CLUAP1: variants seen among roughly 807,000 people sequenced by gnomAD.
CLUAP1 encodes the protein clusterin-associated protein 1.
In CLUAP1, 50 loss-of-function variants were observed where a neutral mutation model predicts 55.0. That is an observed-to-expected ratio of 0.91 (90% CI 0.72 to 1.15). The LOEUF is 1.15. Ranked by LOEUF, CLUAP1 falls within the 50% of genes most tolerant of loss-of-function variation. The probability of loss-of-function intolerance (pLI) is 0.00; values close to 1 mark genes in which losing one functional copy is unlikely to be tolerated. For missense variants in CLUAP1, 530 were observed against 507.6 expected (o/e 1.04, Z -0.42); for synonymous variants, 195 against 175.4 (o/e 1.11, Z -0.88).
At chr16:3,531,393 G>A (rs2038115122) in intron 10 of CLUAP1, among the ~76,000 whole-genome samples, 1 of 152,062 alleles carries the variant, frequency 6.6e-6, no homozygotes, top group Admixed American at 6.5e-5. Flanking sequence ...GCAATGGCGG[G>A]CGCCCATAGT....
upstream of CLUAP1, among the ~76,000 whole-genome samples, chr16:3,500,772 A>G (rs1334091673): frequency 6.6e-6 from 1 of 152,254 alleles, no homozygotes; most frequent in Non-Finnish European, 1.5e-5. Context: ...CCTGTCACCC[A>G]GCGCGAAACG....
At chr16:3,531,866 C>G (rs956804860) in intron 10 of CLUAP1, among the ~76,000 whole-genome samples, 2 of 148,908 alleles carry the variant, frequency 1.3e-5, no homozygotes, top group Non-Finnish European at 3.0e-5. Context: ...CTTTTTGAGA[C>G]AAAGTCTCGC....
At chr16:3,531,191 A>T (rs1393207276) in intron 10 of CLUAP1, among the ~76,000 whole-genome samples, 1 of 151,990 alleles carries the variant, frequency 6.6e-6, no homozygotes, top group Non-Finnish European at 1.5e-5. Context: ...GTGAATATCC[A>T]CTGCATTCCG....
upstream of CLUAP1, among the ~76,000 whole-genome samples, chr16:3,500,264 C>T (rs1269848523): frequency 6.6e-6 from 1 of 152,196 alleles, no homozygotes; most frequent in African/African-American, 2.4e-5. Context: ...TGGCCTGCCT[C>T]TGGGCGCCCA....
At chr16:3,521,476 C>T (rs111729840) in intron 7 of CLUAP1, among the ~76,000 whole-genome samples, 295 of 150,596 alleles carry the variant, frequency 2.0e-3, no homozygotes, top group African/African-American at 6.8e-3. Flanking sequence ...CTCTTGTTGC[C>T]GAGGCTGGAG....
chr16:3,511,952 C>T (rs1383191374), intron 4 of CLUAP1, among the ~76,000 whole-genome samples: 1 of 151,294 alleles, frequency 6.6e-6, no homozygotes, highest in Non-Finnish European at 1.5e-5. Context: ...TTTGGGAGGC[C>T]GAGGTGGGTG....
chr16:3,505,748 C>A (rs147077443), intron 2 of CLUAP1, among the ~76,000 whole-genome samples: 4 of 152,236 alleles, frequency 2.6e-5, no homozygotes. Context: ...ATGGAGATTT[C>A]TTTTTCTGTG....
At chr16:3,507,085 A>T (rs2037521269) in intron 3 of CLUAP1, among the ~76,000 whole-genome samples, 1 of 151,392 alleles carries the variant, frequency 6.6e-6, no homozygotes, top group Non-Finnish European at 1.5e-5. Flanking sequence ...AGTCCCAGCT[A>T]CTCGGGAGGC....
Position 3,501,009 on chromosome 16 carries a change from G to T in CLUAP1, c.-59G>T. 1 of 1,558,638 alleles carries T rather than the reference G, an allele frequency of 6.4e-7. No individual in the cohort carries two copies. Among genetic ancestry groups the T allele is most frequent in the Non-Finnish European group, 8.7e-7 (1 of 1,147,742 alleles). ...TGCCATAGAGATCGTCGAGCGCTGG[G>T]CCTGTGATCGCTGAGGGGCGAGCAG... On this transcript the variant is annotated 5_prime_UTR_variant, in exon 1 of 12. Transcript: ENST00000576634.
chr16:3,508,332 A>T lies in CLUAP1; in HGVS notation c.263A>T (p.Gln88Leu). ...AAACTCAACACTAAGAAGCTTTATC[A>T]AGCAGATGGGTATGCGGTAAAAGAG... ...HIKLNTKKLY[Q>L]ADGYAVKELL... is the part of the protein sequence containing the mutation. Residue 88 changes from glutamine to leucine, a missense_variant, in exon 4 of 12, where the codon CAA becomes CTA. Transcript: ENST00000576634. 1 of 1,607,304 alleles carries T rather than the reference A, an allele frequency of 6.2e-7. No individual in the cohort carries two copies. The highest frequency in any genetic ancestry group is 8.5e-7 in the Non-Finnish European group (1 of 1,178,276).
At chr16:3,522,288 C>G (rs546049426) in intron 7 of CLUAP1, among the ~76,000 whole-genome samples, 67 of 151,724 alleles carry the variant, frequency 4.4e-4, no homozygotes, top group African/African-American at 1.5e-3. Flanking sequence ...CTCAGCCACC[C>G]GAGTAGCTGG....
chr16:3,521,253 G>A (rs2037826968), intron 7 of CLUAP1, among the ~76,000 whole-genome samples: 2 of 151,006 alleles, frequency 1.3e-5, no homozygotes, highest in East Asian at 1.9e-4. Context: ...ATTCATTTTT[G>A]TTAAGCTCCA....
At chr16:3,531,479 G>A (rs113634304) in intron 10 of CLUAP1, among the ~76,000 whole-genome samples, 324 of 151,700 alleles carry the variant, frequency 2.1e-3, no homozygotes, top group African/African-American at 6.9e-3. Context: ...CCGAGATCAC[G>A]CCACTGCACT....
At chr16:3,498,967 C>T (rs13334336), upstream of CLUAP1, among the ~76,000 whole-genome samples, 4,099 of 152,228 alleles carry the variant, frequency 0.027, 70 homozygotes, top group African/African-American at 0.048. Flanking sequence ...ATAAGGGTCT[C>T]ATAGGCAGAA....
rs1238445274 is a variant in CLUAP1, at chr16:3,512,826, G to A, written c.495+348G>A. 5.3e-5 allele frequency among the ~76,000 whole-genome samples: 8 copies of A among 152,194 alleles called. No individual in the cohort carries two copies. The East Asian group carries it at 1.5e-3, about 29-fold the overall frequency. ...CTCCCAAGTAGCTGGGACTACAGGTGCCTGCCACCACACCCGGCTAATTTT... is the reference window on the plus strand; with the variant it reads ...CTCCCAAGTAGCTGGGACTACAGGTACCTGCCACCACACCCGGCTAATTTT... On this transcript the variant is annotated intron_variant, in intron 5 of 11. Coordinates refer to ENST00000576634, the MANE Select transcript of CLUAP1 (RefSeq NM_015041.3).
chr16:3,496,632 G>A, upstream of CLUAP1: 1 of 532,456 alleles, frequency 1.9e-6, no homozygotes. Context: ...TCCGGTCTTC[G>A]CAAGGGCCGA....
intron 2 of CLUAP1, among the ~76,000 whole-genome samples, chr16:3,505,815 G>T: frequency 6.6e-6 from 1 of 152,240 alleles, no homozygotes; most frequent in Non-Finnish European, 1.5e-5. Flanking sequence ...TTAAGGACCA[G>T]ATAATATTTT....
intron 10 of CLUAP1, among the ~76,000 whole-genome samples, chr16:3,531,414 C>T (rs924151741): frequency 2.0e-5 from 3 of 151,890 alleles, no homozygotes; most frequent in African/African-American, 7.3e-5. Context: ...CCCAGCTACT[C>T]GGGAGGCTGA....
At chr16:3,514,470 C>T (rs1596390451) in intron 5 of CLUAP1, among the ~76,000 whole-genome samples, 2 of 152,276 alleles carry the variant, frequency 1.3e-5, no homozygotes, top group East Asian at 3.9e-4. Context: ...CTCACCCTGC[C>T]CTCAGCCATT....
Sources: allele counts gnomAD v4.1 joint callset (sites outside exome capture counted in the v4.1 genomes callset), GRCh38; gene constraint gnomAD v4.1.1; transcripts MANE v1.5; gene names NCBI Gene and HGNC (gene_info 2026-07-23, HGNC 2026-07-21).